SLC24A3: variants seen among roughly 807,000 people sequenced by gnomAD.
SLC24A3 encodes sodium/potassium/calcium exchanger 3.
In SLC24A3, 28 loss-of-function variants were observed where a neutral mutation model predicts 75.8. The ratio of observed to expected loss-of-function variants is 0.37; its 90% CI spans 0.27 to 0.51. The LOEUF (loss-of-function observed/expected upper bound fraction) is 0.51. Ranked by LOEUF, SLC24A3 falls within the 20% of genes least tolerant of loss-of-function variation. SLC24A3 has a pLI of 0.94. For synonymous variants in SLC24A3, 372 were observed against 334.1 expected, an observed-to-expected ratio of 1.11 and a Z score of -1.24; for missense variants, 663 against 847.8, an observed-to-expected ratio of 0.78 and a Z score of 2.71.
intron 6 of SLC24A3, among the ~76,000 whole-genome samples, chr20:19,609,107 A>T (rs6081680): frequency 0.99 from 150,298 of 152,268 alleles, 74,197 homozygotes; most frequent in East Asian, 1. Context: ...AGAAAATGAT[A>T]CTAATATTAA....
intron 7 of SLC24A3, among the ~76,000 whole-genome samples, chr20:19,659,927 T>C (rs916194901): frequency 1.3e-5 from 2 of 152,184 alleles, no homozygotes; most frequent in African/African-American, 4.8e-5. Context: ...TTCATTAAAA[T>C]AACTAATCTG....
chr20:19,265,653 C>G (rs914802966), intron 1 of SLC24A3: 1 of 152,264 alleles, frequency 6.6e-6, no homozygotes, highest in Non-Finnish European at 1.5e-5. Context: ...TATGATTAGT[C>G]TGGCTTCAGG....
chr20:19,672,070 C>T (rs767771163), intron 8 of SLC24A3, among the ~76,000 whole-genome samples: 1 of 152,098 alleles, frequency 6.6e-6, no homozygotes, highest in Non-Finnish European at 1.5e-5. Context: ...ACCACCCACT[C>T]ATGCTTGGAC....
intron 15 of SLC24A3, among the ~76,000 whole-genome samples, chr20:19,714,334 G>A (rs2033020183): frequency 6.8e-6 from 1 of 146,210 alleles, no homozygotes. Flanking sequence ...GGGCACAGGA[G>A]TTCAAAGCTA....
intron 2 of SLC24A3, among the ~76,000 whole-genome samples, chr20:19,466,867 A>G (rs1305654140): frequency 6.6e-6 from 1 of 152,166 alleles, no homozygotes; most frequent in African/African-American, 2.4e-5. Flanking sequence ...AGTGTTTATT[A>G]ATTTATTTAA....
At chr20:19,419,118 AG>A (rs1380417482) in intron 2 of SLC24A3, among the ~76,000 whole-genome samples, 4 of 152,248 alleles carry the variant, frequency 2.6e-5, no homozygotes. Flanking sequence ...TGATGAGAGA[AG>A]GTTTCTCTTT....
chr20:19,589,331 G>A (rs186778990), intron 6 of SLC24A3, among the ~76,000 whole-genome samples: 1 of 152,356 alleles, frequency 6.6e-6, no homozygotes, highest in African/African-American at 2.4e-5. Flanking sequence ...AGGAGGCGGG[G>A]GAGCTAGAGT....
At chr20:19,448,823 G>T (rs971751405) in intron 2 of SLC24A3, among the ~76,000 whole-genome samples, 3 of 152,200 alleles carry the variant, frequency 2.0e-5, no homozygotes, top group Non-Finnish European at 2.9e-5. Flanking sequence ...ACTTAGCACA[G>T]TCCTGGCCCC....
intron 2 of SLC24A3, among the ~76,000 whole-genome samples, chr20:19,424,073 G>A (rs899272687): frequency 3.3e-5 from 5 of 152,210 alleles, no homozygotes; most frequent in Non-Finnish European, 5.9e-5. Flanking sequence ...GGCATGGTGT[G>A]ATCTAGAAAC....
intron 7 of SLC24A3, among the ~76,000 whole-genome samples, chr20:19,659,493 A>G (rs2122715105): frequency 6.6e-6 from 1 of 152,334 alleles, no homozygotes; most frequent in East Asian, 1.9e-4. Context: ...CCAAGGAACT[A>G]CACTTCTTAT....
intron 2 of SLC24A3, among the ~76,000 whole-genome samples, chr20:19,315,075 G>T (rs75576780): frequency 1.3e-5 from 2 of 152,292 alleles, no homozygotes; most frequent in East Asian, 1.9e-4. Flanking sequence ...AGGCACCCGC[G>T]TTCTGTCCCA....
rs908278233 is a variant in SLC24A3, at chr20:19,266,153, G to GA, written c.143-14797dup. Reference sequence around the variant, plus strand: ...TCTGTGCAAGTACTGGGGCCAATAAGAAAAAAAAATGATGTCATCAGGAAG... The same window carrying GA: ...TCTGTGCAAGTACTGGGGCCAATAAGAAAAAAAAAATGATGTCATCAGGAAG... On this transcript the variant is annotated intron_variant, in intron 1 of 16. Transcript: ENST00000328041. Among the ~76,000 whole-genome samples the GA allele has an allele frequency of 1.3e-4, 19 of 150,484 alleles. 1 individual carries two copies. Among genetic ancestry groups the GA allele is most frequent in the Non-Finnish European group, 1.8e-4 (12 of 67,576 alleles).
At chr20:19,433,448 T>C (rs1001511420) in intron 2 of SLC24A3, among the ~76,000 whole-genome samples, 2 of 152,246 alleles carry the variant, frequency 1.3e-5, no homozygotes, top group African/African-American at 4.8e-5. Context: ...GTAAGTTTTC[T>C]CCAAGATGCA....
At chr20:19,598,812 G>A (rs1268134642) in intron 6 of SLC24A3, among the ~76,000 whole-genome samples, 2 of 152,006 alleles carry the variant, frequency 1.3e-5, no homozygotes, top group South Asian at 4.2e-4. Context: ...ACTGCAACAT[G>A]CAGCTTCTAA....
intron 2 of SLC24A3, among the ~76,000 whole-genome samples, chr20:19,512,499 G>T (rs921850426): frequency 2.0e-5 from 3 of 152,224 alleles, no homozygotes; most frequent in African/African-American, 7.2e-5. Flanking sequence ...TCCTCCACCA[G>T]AGAACCAGGC....
intron 2 of SLC24A3, among the ~76,000 whole-genome samples, chr20:19,340,918 G>A (rs536106372): frequency 1.6e-4 from 24 of 152,268 alleles, no homozygotes; most frequent in Middle Eastern, 3.4e-3. Context: ...GTCTCATTGG[G>A]CCCCTTTTGT....
chr20:19,243,516 A>C (rs957384630), intron 1 of SLC24A3, among the ~76,000 whole-genome samples: 2 of 152,328 alleles, frequency 1.3e-5, no homozygotes, highest in East Asian at 3.9e-4. Context: ...AGATGCCTCT[A>C]TCTTGTCTGT....
At chr20:19,369,337 C>A (rs1407507490) in intron 2 of SLC24A3, among the ~76,000 whole-genome samples, 1 of 152,090 alleles carries the variant, frequency 6.6e-6, no homozygotes, top group African/African-American at 2.4e-5. Context: ...CAGGCAAACC[C>A]AAACTGAGGG....
At chr20:19,326,196 C>T (rs1288295771) in intron 2 of SLC24A3, among the ~76,000 whole-genome samples, 1 of 151,932 alleles carries the variant, frequency 6.6e-6, no homozygotes, top group Non-Finnish European at 1.5e-5. Context: ...GGGGGTAGTG[C>T]TTCATGAAGG....
Sources: allele counts gnomAD v4.1 joint callset (sites outside exome capture counted in the v4.1 genomes callset), GRCh38; gene constraint gnomAD v4.1.1; transcripts MANE v1.5; gene names NCBI Gene and HGNC (gene_info 2026-07-23, HGNC 2026-07-21).